The following ABCA13 variants were observed in gnomAD, a reference collection of about 807,000 sequenced individuals.
ABCA13 encodes ATP binding cassette subfamily A member 13, also known as ATP-binding cassette sub-family A member 13.
In ABCA13, 476 loss-of-function variants were observed where a neutral mutation model predicts 478.7. That is an observed-to-expected ratio of 0.99 (90% CI 0.92 to 1.07). ABCA13 has a LOEUF of 1.07. Ranked by LOEUF, ABCA13 falls within the 50% of genes least tolerant of loss-of-function variation. ABCA13 has a pLI of 0.00. For synonymous variants in ABCA13, 2,252 were observed against 2,158.9 expected (o/e 1.04, Z -1.20); for missense variants, 6,060 against 5,910.6 (o/e 1.03, Z -0.83).
Position 48,392,152 on chromosome 7 carries a change from T to C in ABCA13, c.11873+13T>C, listed in dbSNP as rs1359923940. 10 of 1,611,648 alleles carry C rather than the reference T, an allele frequency of 6.2e-6. No individual in the cohort carries two copies. The East Asian group carries it at 1.8e-4, about 29-fold the overall frequency. On this transcript the variant is annotated intron_variant, in intron 38 of 61. Transcript: ENST00000435803. ...AGCAAGTCAATCAGTTAGTAAACAGTTGTCTCTCTGCTCCTCCTGCCTCTG... is the reference window on the plus strand; with the variant it reads ...AGCAAGTCAATCAGTTAGTAAACAGCTGTCTCTCTGCTCCTCCTGCCTCTG...
chr7:48,295,667 G>A (rs377363630), intron 20 of ABCA13, 33 bp from the exon 21 acceptor site: 8 of 1,611,880 alleles, frequency 5.0e-6, no homozygotes, highest in African/African-American at 1.3e-5. Flanking sequence ...AAGTATGTGT[G>A]CTTCTAACCT....
chr7:48,318,195 CT>C (rs1802865603), intron 27 of ABCA13, among the ~76,000 whole-genome samples: 1 of 152,192 alleles, frequency 6.6e-6, no homozygotes, highest in African/African-American at 2.4e-5. Context: ...GAGTTTCATG[CT>C]TCTGACCCAT....
In ABCA13 at chr7:48,336,525, T is replaced by G. The variant is rs2128946881; in HGVS notation, c.10113+990T>G. On this transcript the variant is annotated intron_variant, in intron 28 of 61. Transcript: ENST00000435803. ...GCCCTGCAATTTAATGGAAATCAGA[T>G]AAGGCCGAGAGGGAGTCACAGAGCT... Among the ~76,000 whole-genome samples, 3 of 152,222 alleles carry G rather than the reference T, an allele frequency of 2.0e-5. 1 individual carries two copies. In the East Asian group the frequency reaches 5.8e-4, roughly 29 times the overall value.
rs1252650776 is a variant in ABCA13, at chr7:48,412,372, A to G, written c.12248A>G (p.His4083Arg). ...LTRQPSVLEAHDLKDMACVTS... is the reference protein window; with the variant it reads ...LTRQPSVLEARDLKDMACVTS... ...GGATAGCCTTCTGTTCTGGAGGCCC[A>G]TGATCTGAAAGACATGGCTTGTGTT... The change falls in exon 41 of 62, where the codon CAT becomes CGT. Residue 4083 changes from histidine to arginine, a missense_variant. His to Arg is a conservative substitution (Grantham distance 29). Transcript: ENST00000435803. 13 of 1,612,962 alleles carry G rather than the reference A, an allele frequency of 8.1e-6. No individual in the cohort carries two copies. In the Admixed American group the frequency reaches 1.0e-4, roughly 12 times the overall value.
chr7:48,293,449 T>C (rs958581157), intron 20 of ABCA13, among the ~76,000 whole-genome samples: 1 of 152,234 alleles, frequency 6.6e-6, no homozygotes, highest in African/African-American at 2.4e-5. Flanking sequence ...TTGACCTACA[T>C]ATGATACCTT....
In ABCA13 at chr7:48,348,141, G is replaced by A. The variant is rs1400352328; in HGVS notation, c.10205-2502G>A. Among the ~76,000 whole-genome samples, 4 of 152,292 alleles carry A rather than the reference G, an allele frequency of 2.6e-5. 1 individual carries two copies. Among genetic ancestry groups the A allele is most frequent in the East Asian group, 3.9e-4 (2 of 5,176 alleles). ...GCCACATGACCTCTTGTTGAGTGAG[G>A]TGGGCTGGACCAGACTGCTAGCCAC... On this transcript the variant is annotated intron_variant, in intron 29 of 61. Transcript: ENST00000435803.
At position 48,580,345 on chromosome 7, in the gene ABCA13, C is replaced by G. The variant is rs200851445; in HGVS notation, c.14476C>G (p.Arg4826Gly). 9.9e-6 allele frequency: 16 copies of G among 1,612,686 alleles called. No homozygotes were observed. The highest frequency in any genetic ancestry group is 1.4e-5 in the Non-Finnish European group (16 of 1,179,454). ...ACATCTCTATTATTACTGTAGCTTA[C>G]GCGGGATTCCAAGGCAGTGCATCCC... ...WEHLYYYCSL[R>G]GIPRQCIPEV... Residue 4826 changes from arginine to glycine, a missense_variant, in exon 56 of 62, where the codon CGC becomes GGC. Arg to Gly is a moderately radical substitution (Grantham distance 125). This residue lies in a region of ABCA13 where 1,627 missense variants were observed against 1,571.0 expected (regional missense o/e 1.04). Coordinates refer to ENST00000435803, the MANE Select transcript of ABCA13 (RefSeq NM_152701.5).
chr7:48,400,431 G>C (rs1817445064), intron 38 of ABCA13, among the ~76,000 whole-genome samples: 1 of 152,196 alleles, frequency 6.6e-6, no homozygotes, highest in Non-Finnish European at 1.5e-5. Context: ...TTTCCCTGCT[G>C]CCTAGCAATG....
chr7:48,421,860 G>A (rs532053094), intron 41 of ABCA13, among the ~76,000 whole-genome samples: 3 of 151,688 alleles, frequency 2.0e-5, no homozygotes, highest in Non-Finnish European at 4.4e-5. Context: ...TATTTGTACC[G>A]CCCTTCACTG....
At position 48,594,773 on chromosome 7, in the gene ABCA13, G is replaced by A. The variant is rs765360658; in HGVS notation, c.14704G>A (p.Glu4902Lys). 2.5e-6 allele frequency: 4 copies of A among 1,613,980 alleles called. No homozygotes were observed. The East Asian group carries it at 8.9e-5, about 36-fold the overall frequency. ...GTACCTGTGGCAAACAATAATGAAG[G>A]AGGTTCGGGAAGGCTGTGCTGCGGT... ...KRYLWQTIMK[E>K]VREGCAAVLT... is the part of the protein sequence containing the mutation. Residue 4902 changes from glutamate to lysine, a missense_variant, in exon 58 of 62, where the codon GAG becomes AAG. This residue lies in a region of ABCA13 where 1,627 missense variants were observed against 1,571.0 expected (regional missense o/e 1.04). Coordinates refer to ENST00000435803, the MANE Select transcript of ABCA13 (RefSeq NM_152701.5).
chr7:48,237,751 C>A lies in ABCA13; in HGVS notation c.898-1490C>A, dbSNP rs1053277232. ...CTGAATTGGAAAATGATTTATCTAA[C>A]CTCACATCCTCTGTGGATCTCCTGT... On this transcript the variant is annotated intron_variant, in intron 8 of 61. Coordinates refer to ENST00000435803, the MANE Select transcript of ABCA13 (RefSeq NM_152701.5). 2.1e-4 allele frequency among the ~76,000 whole-genome samples: 32 copies of A among 152,172 alleles called. 2 individuals carry two copies. The highest frequency in any genetic ancestry group is 7.2e-4 in the African/African-American group (30 of 41,454).
chr7:48,412,293 T>G (rs1819367096), intron 40 of ABCA13, 60 bp from the exon 41 acceptor site: 1 of 1,282,026 alleles, frequency 7.8e-7, no homozygotes, highest in Non-Finnish European at 1.1e-6. Flanking sequence ...TGAAATCAAT[T>G]GATGTATATA....
chr7:48,544,500 C>T (rs986937121), intron 55 of ABCA13, among the ~76,000 whole-genome samples: 2 of 150,974 alleles, frequency 1.3e-5, no homozygotes, highest in Non-Finnish European at 3.0e-5. Flanking sequence ...ACGATTTATT[C>T]AACCATGCCT....
chr7:48,540,429 G>A (rs1478791687), intron 55 of ABCA13, among the ~76,000 whole-genome samples: 1 of 152,060 alleles, frequency 6.6e-6, no homozygotes. Flanking sequence ...TGTGTAATTA[G>A]TTTAATTATA....
chr7:48,601,992 CAT>C (rs1335163077), intron 58 of ABCA13, among the ~76,000 whole-genome samples: 1 of 152,130 alleles, frequency 6.6e-6, no homozygotes, highest in Admixed American at 6.5e-5. Context: ...AGCTTTTTTT[CAT>C]ATGTTTGTTG....
At position 48,481,121 on chromosome 7, in the gene ABCA13, A is replaced by C; in HGVS notation, c.13061A>C (p.Glu4354Ala). The part of the protein sequence containing the change: ...TLLNLSGFNM[E>A]EYLLAPSEKP... The stretch of plus-strand genomic sequence containing the variant: ...TTGAATCTCTCAGGCTTCAATATGG[A>C]GGAGTACTTGCTGGCACCATCTGAA... Residue 4354 changes from glutamate to alanine, a missense_variant, in exon 46 of 62, where the codon GAG becomes GCG. Physicochemically the swap from Glu to Ala is moderately radical, Grantham distance 107. This residue lies in a region of ABCA13 where 1,627 missense variants were observed against 1,571.0 expected (regional missense o/e 1.04). Transcript: ENST00000435803. 1 of 1,596,064 alleles carries C rather than the reference A, an allele frequency of 6.3e-7. No homozygotes were observed. The highest frequency in any genetic ancestry group is 8.5e-7 in the Non-Finnish European group (1 of 1,170,694).
intron 41 of ABCA13, among the ~76,000 whole-genome samples, chr7:48,424,390 A>G (rs1414729680): frequency 6.6e-6 from 1 of 152,260 alleles, no homozygotes; most frequent in Non-Finnish European, 1.5e-5. Context: ...TGTATCAGAT[A>G]AGAAGGAATA....
intron 58 of ABCA13, chr7:48,603,887 A>T (rs1791176296): frequency 6.6e-6 from 1 of 152,166 alleles, no homozygotes; most frequent in Admixed American, 6.5e-5. Flanking sequence ...TAGGCTATTA[A>T]TTACTGCCTC....
intron 55 of ABCA13, among the ~76,000 whole-genome samples, chr7:48,564,730 A>G (rs1380393400): frequency 6.6e-6 from 1 of 152,022 alleles, no homozygotes; most frequent in Non-Finnish European, 1.5e-5. Flanking sequence ...TTGAAATACT[A>G]AAGTTTAAAA....
Sources: gnomAD v4.1 joint callset for allele counts (sites outside exome capture counted in the v4.1 genomes callset) on GRCh38, gnomAD v4.1.1 for gene constraint, gnomAD v4.1.1 regional missense constraint, MANE v1.5 for transcripts, NCBI Gene and HGNC (gene_info 2026-07-23, HGNC 2026-07-21) for gene names.